The following PCSK5 variants were observed in gnomAD, a reference collection of about 807,000 sequenced individuals.
The protein encoded by PCSK5 is prohormone convertase 5.
A neutral mutation model predicts 233.2 loss-of-function variants in PCSK5; 129 were observed. The observed-to-expected ratio is 0.55, with a 90% CI of 0.48 to 0.64. The LOEUF is 0.64. Among genes scored for constraint, PCSK5 ranks in the 30% least tolerant of loss-of-function variants. PCSK5 has a pLI of 0.00. For synonymous variants in PCSK5, 825 were observed against 879.2 expected (o/e 0.94, Z 1.09); for missense variants, 2,076 against 2,430.1 (o/e 0.85, Z 3.06).
rs188465886 is a variant in PCSK5, at chr9:75,989,563, G to A, written c.411+3318G>A. Among the ~76,000 whole-genome samples the A allele has an allele frequency of 9.4e-4, 143 of 152,246 alleles. 1 individual carries two copies. The highest frequency in any genetic ancestry group is 3.3e-3 in the African/African-American group (136 of 41,552). On this transcript the variant is annotated intron_variant, in intron 3 of 37. Transcript: ENST00000674117. ...AATTCAGACGGGGCCCAGGGATGAT[G>A]GCTTTCCTCTGTTCTGGGATGTCTG...
intron 20 of PCSK5, among the ~76,000 whole-genome samples, chr9:76,205,462 TTA>T (rs1211621774): frequency 6.6e-6 from 1 of 152,166 alleles, no homozygotes; most frequent in East Asian, 1.9e-4. Context: ...CACAAATTCT[TTA>T]TGAGGCCAGC....
Position 75,903,609 on chromosome 9 carries a change from T to A in PCSK5, c.192+12236T>A, listed in dbSNP as rs527268825. On this transcript the variant is annotated intron_variant, in intron 1 of 37. Transcript: ENST00000674117. ...ATATAAAATATATATTATATATATA[T>A]ATTATATATATATATAAAATAAGTA... 5.5e-3 allele frequency among the ~76,000 whole-genome samples: 779 copies of A among 142,538 alleles called. 13 individuals are homozygous for A. The highest frequency in any genetic ancestry group is 8.9e-3 in the Admixed American group (127 of 14,276). The allele number at this position is 142,538 out of a possible 152,430, so 93.5% of individuals were successfully genotyped here.
chr9:76,296,720 A>T lies in PCSK5; in HGVS notation c.3378A>T (p.Gly1126=). ...GATTCTATGGTGACCAAGAAATGGG[A>T]GAATGTGAGTCCTGCCACCGAGCAT... The part of the protein sequence containing the change: ...GPGFYGDQEM[G]ECESCHRACE... The change falls in exon 27 of 38, where the codon GGA becomes GGT. Residue 1126 remains glycine (G), a synonymous_variant. Coordinates refer to ENST00000674117, the MANE Select transcript of PCSK5 (RefSeq NM_001372043.1). 2.5e-6 allele frequency: 4 copies of T among 1,612,454 alleles called. No homozygotes were observed. The highest frequency in any genetic ancestry group is 3.4e-6 in the Non-Finnish European group (4 of 1,179,628).
chr9:76,228,822 C>A (rs1023918315), intron 21 of PCSK5, among the ~76,000 whole-genome samples: 1 of 152,210 alleles, frequency 6.6e-6, no homozygotes, highest in Non-Finnish European at 1.5e-5. Context: ...GCATTATGGT[C>A]ATTTTGTCCT....
chr9:76,164,425 T>G (rs1221138245), intron 12 of PCSK5, among the ~76,000 whole-genome samples: 1 of 152,216 alleles, frequency 6.6e-6, no homozygotes, highest in Non-Finnish European at 1.5e-5. Flanking sequence ...GTACACGTAT[T>G]AAGATCACGT....
At chr9:76,287,985 A>C (rs530233784) in intron 24 of PCSK5, 4 of 95,658 alleles carry the variant, frequency 4.2e-5, no homozygotes, top group Middle Eastern at 6.1e-3. Context: ...TTCAGATATA[A>C]TGGGTTTCCT....
chr9:76,049,928 T>C (rs1829564495), intron 5 of PCSK5, among the ~76,000 whole-genome samples: 1 of 152,228 alleles, frequency 6.6e-6, no homozygotes, highest in South Asian at 2.1e-4. Context: ...TTGAATATTT[T>C]AATAAAAGCA....
chr9:76,096,597 G>A (rs111942736), intron 8 of PCSK5, among the ~76,000 whole-genome samples: 96 of 150,468 alleles, frequency 6.4e-4, no homozygotes, highest in Middle Eastern at 3.5e-3. Context: ...TAAAAGGTGC[G>A]TTTCTTTTTT....
chr9:76,290,796 T>C (rs1255262845), intron 24 of PCSK5, among the ~76,000 whole-genome samples: 1 of 152,324 alleles, frequency 6.6e-6, no homozygotes, highest in East Asian at 1.9e-4. Context: ...AAAGCATTCT[T>C]ACACAATACA....
chr9:76,354,854 C>T (rs993166053), intron 37 of PCSK5, among the ~76,000 whole-genome samples: 1 of 152,086 alleles, frequency 6.6e-6, no homozygotes, highest in Non-Finnish European at 1.5e-5. Context: ...GTAGAGCTAG[C>T]ATTTTATCTT....
At chr9:76,004,314 G>C (rs528664807) in intron 3 of PCSK5, among the ~76,000 whole-genome samples, 1 of 152,036 alleles carries the variant, frequency 6.6e-6, no homozygotes, top group Admixed American at 6.6e-5. Context: ...TCTACCTAGG[G>C]TAAGACTGCA....
chr9:76,323,761 C>G (rs1393384691), intron 32 of PCSK5, among the ~76,000 whole-genome samples: 1 of 152,088 alleles, frequency 6.6e-6, no homozygotes, highest in Non-Finnish European at 1.5e-5. Context: ...ATCACGTGGA[C>G]CTTCCTCACA....
chr9:76,129,287 G>C (rs1346068069), intron 9 of PCSK5, among the ~76,000 whole-genome samples: 1 of 152,112 alleles, frequency 6.6e-6, no homozygotes, highest in East Asian at 1.9e-4. Flanking sequence ...GATTGAAGGA[G>C]ACTAGTTTCA....
intron 1 of PCSK5, among the ~76,000 whole-genome samples, chr9:75,928,070 G>A (rs1273582820): frequency 6.6e-6 from 1 of 152,188 alleles, no homozygotes; most frequent in East Asian, 1.9e-4. Flanking sequence ...TTAGGAACAA[G>A]AGATGACATT....
chr9:76,116,067 A>G (rs539705651), intron 9 of PCSK5, among the ~76,000 whole-genome samples: 15 of 152,242 alleles, frequency 9.9e-5, no homozygotes, highest in African/African-American at 3.4e-4. Flanking sequence ...TTAAAAATTT[A>G]TAATCATAAT....
chr9:75,909,046 C>T (rs556783770), intron 1 of PCSK5, among the ~76,000 whole-genome samples: 31 of 151,924 alleles, frequency 2.0e-4, no homozygotes, highest in African/African-American at 7.0e-4. Context: ...ATTTCTGGGC[C>T]GGGTGCAGTG....
chr9:76,176,260 A>G (rs1010130931), intron 14 of PCSK5, among the ~76,000 whole-genome samples: 3 of 152,186 alleles, frequency 2.0e-5, no homozygotes, highest in Non-Finnish European at 2.9e-5. Flanking sequence ...CCAAGTAACT[A>G]TCCCTTCTTT....
chr9:76,106,444 G>A (rs2131677972), intron 8 of PCSK5, among the ~76,000 whole-genome samples: 1 of 152,316 alleles, frequency 6.6e-6, no homozygotes, highest in East Asian at 1.9e-4. Context: ...AACAAAGGTT[G>A]AGAAACATTG....
At chr9:75,948,912 A>G (rs928664802) in intron 2 of PCSK5, among the ~76,000 whole-genome samples, 1 of 152,070 alleles carries the variant, frequency 6.6e-6, no homozygotes, top group Non-Finnish European at 1.5e-5. Context: ...GCTAGACATC[A>G]GATATAAGAC....
Sources: gnomAD v4.1 joint callset for allele counts (sites outside exome capture counted in the v4.1 genomes callset) on GRCh38, gnomAD v4.1.1 for gene constraint, MANE v1.5 for transcripts, NCBI Gene and HGNC (gene_info 2026-07-23, HGNC 2026-07-21) for gene names.